The following ALDH1L1 variants were observed in gnomAD, a reference collection of about 807,000 sequenced individuals.
ALDH1L1 encodes cytosolic 10-formyltetrahydrofolate dehydrogenase.
Under a neutral mutation model 101.1 loss-of-function variants are expected in ALDH1L1, and 68 were observed. The ratio of observed to expected loss-of-function variants is 0.67; its 90% CI spans 0.55 to 0.82. The LOEUF (loss-of-function observed/expected upper bound fraction) is 0.82, where lower values mean the gene tolerates loss of function less well. Ranked by LOEUF, ALDH1L1 falls within the 40% of genes least tolerant of loss-of-function variation. The pLI is 0.00. For synonymous variants in ALDH1L1, 486 were observed against 470.8 expected, an observed-to-expected ratio of 1.03 and a Z score of -0.42; for missense variants, 1,087 against 1,172.7, an observed-to-expected ratio of 0.93 and a Z score of 1.07.
In ALDH1L1 at chr3:126,107,124, T is replaced by A; in HGVS notation, c.2453+17A>T. 3 of 1,607,296 alleles carry A rather than the reference T, an allele frequency of 1.9e-6. No homozygotes were observed. The highest frequency in any genetic ancestry group is 2.6e-6 in the Non-Finnish European group (3 of 1,173,932). ...GGAGAGAGTCAGGGCCCTTGAGACA[T>A]CAGCAGGATTCCCTACCCATCAGCA... On this transcript the variant is annotated intron_variant, in intron 21 of 22. Transcript: ENST00000393434.
chr3:126,192,652 G>T (rs574700931), intron 1 of ALDH1L1, among the ~76,000 whole-genome samples: 9 of 152,178 alleles, frequency 5.9e-5, no homozygotes, highest in South Asian at 2.1e-4. Flanking sequence ...TAGGAAGAAG[G>T]TTCACTTTTC....
At chr3:126,116,549 G>T (rs1196919177) in intron 17 of ALDH1L1, among the ~76,000 whole-genome samples, 1 of 152,214 alleles carries the variant, frequency 6.6e-6, no homozygotes, top group Non-Finnish European at 1.5e-5. Context: ...CATGTGCTCA[G>T]ACATGGCTAC....
intron 11 of ALDH1L1, 58 bp from the exon 12 acceptor site, chr3:126,135,720 C>T: frequency 3.5e-6 from 5 of 1,446,332 alleles, no homozygotes; most frequent in Non-Finnish European, 4.6e-6. Context: ...CACAGATACC[C>T]CTGCCTGCTT....
intron 1 of ALDH1L1, among the ~76,000 whole-genome samples, chr3:126,179,490 ACT>A (rs1243438380): frequency 7.1e-6 from 1 of 141,276 alleles, no homozygotes; most frequent in Non-Finnish European, 1.5e-5. Flanking sequence ...ACAGAGCGAG[ACT>A]CTGTCTCAAA....
At chr3:126,136,741 A>G in intron 11 of ALDH1L1, 23 bp downstream of exon 11, 1 of 1,557,046 alleles carries the variant, frequency 6.4e-7, no homozygotes, top group Non-Finnish European at 8.7e-7. Flanking sequence ...AATGTGGAGA[A>G]GGGGTGCTGG....
intron 16 of ALDH1L1, among the ~76,000 whole-genome samples, chr3:126,121,578 C>T (rs765209624): frequency 3.9e-5 from 6 of 152,128 alleles, no homozygotes; most frequent in Non-Finnish European, 5.9e-5. Flanking sequence ...AGGAGCCCTG[C>T]GGACAATTCC....
At chr3:126,119,334 T>C in intron 16 of ALDH1L1, among the ~76,000 whole-genome samples, 1 of 152,206 alleles carries the variant, frequency 6.6e-6, no homozygotes, top group East Asian at 1.9e-4. Flanking sequence ...AAATTCAACA[T>C]ATTTGAAACT....
chr3:126,107,298 T>C (rs1366170265), intron 20 of ALDH1L1, 52 bp from the exon 21 acceptor site: 2 of 1,467,654 alleles, frequency 1.4e-6, no homozygotes, highest in Non-Finnish European at 1.9e-6. Flanking sequence ...TGCCCGATGG[T>C]CCAGCCTCTC....
rs143460663 is a variant in ALDH1L1 at position 126,135,644 on chromosome 3, G to C, written c.1363C>G (p.Leu455Val). Residue 455 changes from leucine to valine, a missense_variant, in exon 12 of 23, where the codon CTG becomes GTG. Physicochemically the swap from Leu to Val is conservative, Grantham distance 32. This residue lies in a region of ALDH1L1 where 645 missense variants were observed against 637.0 expected (regional missense o/e 1.01). Transcript: ENST00000393434. ...TDGSVICQVS[L>V]AQVTDVDKAV... ...TTGTCGACGTCGGTGACTTGGGCCA[G>C]GGATACCTGGCAGATGACCTATAGT... 21 of 1,570,274 alleles carry C rather than the reference G, an allele frequency of 1.3e-5. No homozygotes were observed. Among genetic ancestry groups the C allele is most frequent in the Non-Finnish European group, 1.6e-5 (19 of 1,157,396 alleles).
At chr3:126,168,545 CAG>C (rs1296829106) in intron 1 of ALDH1L1, among the ~76,000 whole-genome samples, 1 of 151,954 alleles carries the variant, frequency 6.6e-6, no homozygotes, top group Non-Finnish European at 1.5e-5. Flanking sequence ...ACAAAACAAA[CAG>C]AAAAAAACTT....
rs149896878 is a variant in ALDH1L1 at position 126,158,154 on chromosome 3, T to C, written c.362+251A>G. Among the ~76,000 whole-genome samples, 546 of 152,252 alleles carry C rather than the reference T, an allele frequency of 3.6e-3. 3 individuals carry two copies. The highest frequency in any genetic ancestry group is 5.8e-3 in the Non-Finnish European group (395 of 68,004). On this transcript the variant is annotated intron_variant, in intron 3 of 22. Transcript: ENST00000393434. The stretch of plus-strand genomic sequence containing the variant: ...AGCTGGGGGATGGGAACACTGACAG[T>C]GCCAGCTTCTCCAATAACTGTGGGA...
At chr3:126,140,462 TAAAG>T (rs567780045) in intron 9 of ALDH1L1, among the ~76,000 whole-genome samples, 4 of 152,058 alleles carry the variant, frequency 2.6e-5, no homozygotes. Flanking sequence ...CAATTAAAAA[TAAAG>T]AACACAGGTA....
At chr3:126,195,783 TA>T (rs2081578279) in intron 1 of ALDH1L1, among the ~76,000 whole-genome samples, 2 of 152,070 alleles carry the variant, frequency 1.3e-5, no homozygotes, top group Admixed American at 6.5e-5. Flanking sequence ...TATGCAGCCA[TA>T]AAAAAGGATG....
At chr3:126,114,341 C>T (rs1314442298) in intron 18 of ALDH1L1, among the ~76,000 whole-genome samples, 1 of 152,288 alleles carries the variant, frequency 6.6e-6, no homozygotes, top group Non-Finnish European at 1.5e-5. Flanking sequence ...TCTCAGCTAT[C>T]CTGGCAGCTA....
intron 1 of ALDH1L1, among the ~76,000 whole-genome samples, chr3:126,196,290 A>G (rs1220594045): frequency 1.3e-5 from 2 of 152,014 alleles, no homozygotes; most frequent in Non-Finnish European, 2.9e-5. Context: ...TCTCATTTTT[A>G]TACCATTTGG....
chr3:126,153,625 C>T (rs757989480), intron 6 of ALDH1L1, 44 bp from the exon 7 acceptor site: 3 of 1,585,224 alleles, frequency 1.9e-6, no homozygotes, highest in Admixed American at 1.7e-5. Flanking sequence ...TGAGAAGAAG[C>T]CCCCGAAGCC....
chr3:126,157,351 T>C lies in ALDH1L1; in HGVS notation c.520A>G (p.Lys174Glu), dbSNP rs1559961172. The C allele has an allele frequency of 1.2e-6, 2 of 1,611,346 alleles. No individual in the cohort carries two copies. ...YNRFLFPEGI[K>E]GMVQAVRLIA... is the part of the protein sequence containing the mutation. Reference sequence around the variant, plus strand: ...CGGCTCCAGGTCCTCACCATCCCTTTGATGCCTTCAGGGAAGAGGAAGCGG... The same window carrying C: ...CGGCTCCAGGTCCTCACCATCCCTTCGATGCCTTCAGGGAAGAGGAAGCGG... Residue 174 changes from lysine (K) to glutamate (E), a missense_variant, in exon 4 of 23, where the codon AAA (lysine) becomes GAA (glutamate). Coordinates refer to ENST00000393434, the MANE Select transcript of ALDH1L1 (RefSeq NM_012190.4).
intron 1 of ALDH1L1, among the ~76,000 whole-genome samples, chr3:126,168,395 TA>T (rs1007047101): frequency 1.3e-5 from 2 of 152,168 alleles, no homozygotes; most frequent in Non-Finnish European, 2.9e-5. Context: ...AAGGTTTCAT[TA>T]AAATTAAAGT....
chr3:126,134,948 C>G (rs2080396836), intron 12 of ALDH1L1: 1 of 152,410 alleles, frequency 6.6e-6, no homozygotes, highest in Admixed American at 6.5e-5. Flanking sequence ...CACCTCTCTT[C>G]CAGGCCTTCC....
Sources: allele counts gnomAD v4.1 joint callset (sites outside exome capture counted in the v4.1 genomes callset), GRCh38; gene constraint gnomAD v4.1.1; regional missense constraint gnomAD v4.1.1; transcripts MANE v1.5; gene names NCBI Gene and HGNC (gene_info 2026-07-23, HGNC 2026-07-21).